Variants in SAMD5 observed in about 807,000 individuals in gnomAD.
The protein encoded by SAMD5 is sterile alpha motif domain containing 5.
In SAMD5, 13 loss-of-function variants were observed where a neutral mutation model predicts 11.3. The observed-to-expected ratio is 1.15, with a 90% CI of 0.75 to 1.83. The LOEUF (loss-of-function observed/expected upper bound fraction) is 1.83. SAMD5 is among the 40% of genes most tolerant of loss of function. The probability of loss-of-function intolerance (pLI) is 0.00; values close to 1 mark genes in which losing one functional copy is unlikely to be tolerated. For synonymous variants in SAMD5, 129 were observed against 111.3 expected (o/e 1.16, Z -1.00); for missense variants, 255 against 239.1 (o/e 1.07, Z -0.44).
In SAMD5 at chr6:147,711,776, C is replaced by T. The variant is rs553972033; in HGVS notation, c.163-25541C>T. Among the ~76,000 whole-genome samples, 92 of 152,282 alleles carry T rather than the reference C, an allele frequency of 6.0e-4. No homozygotes were observed. The highest frequency in any genetic ancestry group is 3.4e-3 in the Middle Eastern group (1 of 294). On this transcript the variant is annotated intron_variant, in intron 1 of 1. Coordinates refer to the SAMD5 transcript ENST00000566741. The surrounding 1 kb of genome is among the most constrained non-coding windows in gnomAD (Gnocchi z 4.1). ...TGTTTGTGTTGTGAGTTCCTTACAT[C>T]ATGGAGTGTCATGTGCGTAAGTACA...
intron 1 of SAMD5, among the ~76,000 whole-genome samples, chr6:147,659,640 G>A (rs1468677829): frequency 1.3e-5 from 2 of 152,122 alleles, no homozygotes; most frequent in Non-Finnish European, 2.9e-5. Context: ...AGTGTATTCC[G>A]TTTAGGAATT....
the SAMD5 span, among the ~76,000 whole-genome samples, chr6:147,877,914 GCT>G: frequency 5.7e-4 from 5 of 8,826 alleles, no homozygotes; most frequent in Non-Finnish European, 9.7e-4. Flanking sequence ...TAGATAGCTA[GCT>G]AGCTAGCTAG....
chr6:147,651,311 A>G (rs547451054), intron 1 of SAMD5, among the ~76,000 whole-genome samples: 1 of 152,322 alleles, frequency 6.6e-6, no homozygotes, highest in South Asian at 2.1e-4. Flanking sequence ...AACAATCCCC[A>G]CACATTGTAG....
chr6:147,574,606 T>C (rs1450438805), downstream of SAMD5, among the ~76,000 whole-genome samples: 3 of 152,148 alleles, frequency 2.0e-5, no homozygotes, highest in Non-Finnish European at 4.4e-5. Context: ...GGGTAAAGAA[T>C]AGATATTTAT....
chr6:147,796,922 C>G, the SAMD5 span, among the ~76,000 whole-genome samples: 1 of 148,580 alleles, frequency 6.7e-6, no homozygotes, highest in Non-Finnish European at 1.5e-5. Flanking sequence ...GATTTTGTAT[C>G]CTGAGACTTT....
intron 1 of SAMD5, among the ~76,000 whole-genome samples, chr6:147,646,737 AT>A (rs1368959565): frequency 2.0e-5 from 3 of 152,124 alleles, no homozygotes; most frequent in African/African-American, 7.2e-5. Flanking sequence ...TAAACTTGAA[AT>A]TTCACTTTGG....
chr6:147,609,723 A>G (rs1005769845), intron 1 of SAMD5, among the ~76,000 whole-genome samples: 1 of 151,486 alleles, frequency 6.6e-6, no homozygotes, highest in Non-Finnish European at 1.5e-5. Flanking sequence ...CGCCTGGCTA[A>G]TTTTTTGAAT....
chr6:147,731,387 T>C (rs985914509), intron 1 of SAMD5, among the ~76,000 whole-genome samples: 19 of 152,142 alleles, frequency 1.2e-4, no homozygotes, highest in Non-Finnish European at 1.9e-4. Context: ...TATATAGAAA[T>C]GCTTCTGTAT....
At chr6:147,644,625 A>G (rs1275330963) in intron 1 of SAMD5, among the ~76,000 whole-genome samples, 1 of 152,204 alleles carries the variant, frequency 6.6e-6, no homozygotes, top group African/African-American at 2.4e-5. Context: ...TGATAAAAAA[A>G]GTTTCTTAAT....
intron 1 of SAMD5, among the ~76,000 whole-genome samples, chr6:147,667,830 T>G (rs891543220): frequency 2.8e-4 from 42 of 152,200 alleles, no homozygotes; most frequent in Non-Finnish European, 5.6e-4. Context: ...AAATAAAAGA[T>G]CATGAAATAA....
intron 1 of SAMD5, among the ~76,000 whole-genome samples, chr6:147,601,364 G>C (rs1049890839): frequency 2.6e-5 from 4 of 151,498 alleles, no homozygotes; most frequent in Non-Finnish European, 5.9e-5. Flanking sequence ...TGGACTATAG[G>C]CAACTATTTC....
At chr6:147,615,179 T>C (rs1205267405) in intron 1 of SAMD5, among the ~76,000 whole-genome samples, 2 of 150,366 alleles carry the variant, frequency 1.3e-5, no homozygotes, top group Non-Finnish European at 2.9e-5. Context: ...GAAGGATGAC[T>C]GTATATAAAT....
At chr6:147,832,791 A>G in the SAMD5 span, among the ~76,000 whole-genome samples, 1 of 152,306 alleles carries the variant, frequency 6.6e-6, no homozygotes, top group East Asian at 1.9e-4. Flanking sequence ...GTACTGCGGT[A>G]CACACTAAGC....
intron 1 of SAMD5, among the ~76,000 whole-genome samples, chr6:147,677,861 TTTGAATAA>T (rs1413323277): frequency 2.0e-4 from 30 of 152,132 alleles, no homozygotes; most frequent in Non-Finnish European, 5.9e-5. Flanking sequence ...CTCAGGCACT[TTTGAATAA>T]TTGAAACACT....
At chr6:147,750,677 C>T in the SAMD5 span, among the ~76,000 whole-genome samples, 1 of 152,220 alleles carries the variant, frequency 6.6e-6, no homozygotes, top group Non-Finnish European at 1.5e-5. Flanking sequence ...GTAATCCCAG[C>T]ACTTTGGGAG....
chr6:147,596,639 C>A (rs932904181), intron 1 of SAMD5, among the ~76,000 whole-genome samples: 1 of 152,150 alleles, frequency 6.6e-6, no homozygotes, highest in Non-Finnish European at 1.5e-5. Flanking sequence ...TGAGCTGTTA[C>A]CAAAAACTCT....
At chr6:147,556,098 T>G (rs939467568) in intron 1 of SAMD5, among the ~76,000 whole-genome samples, 2 of 141,302 alleles carry the variant, frequency 1.4e-5, no homozygotes, top group East Asian at 2.0e-4. Flanking sequence ...GTTATTATTA[T>G]TTTTTTTTTT....
chr6:147,806,278 TCTA>T, the SAMD5 span, among the ~76,000 whole-genome samples: 55 of 150,592 alleles, frequency 3.7e-4, no homozygotes, highest in East Asian at 6.6e-3. Flanking sequence ...CTAAGGGAAA[TCTA>T]CTTCAAAAAC....
Position 147,566,900 on chromosome 6 carries a change from G to C in SAMD5, c.*2444G>C. ...ATCTGGGGACAGTTAGTCTTAGAAG[G>C]AGTAATTTTTTCAGCGTTTTTCCTC... is the stretch of plus-strand genomic sequence containing the variant. On this transcript the variant is annotated 3_prime_UTR_variant, in exon 2 of 2. Coordinates refer to ENST00000367474, the MANE Select transcript of SAMD5 (RefSeq NM_001030060.3). The C allele has an allele frequency of 1.0e-6, 1 of 954,826 alleles. No individual in the cohort carries two copies. Among genetic ancestry groups the C allele is most frequent in the Non-Finnish European group, 1.2e-6 (1 of 802,580 alleles). 59.1% of individuals were successfully genotyped at this position (954,826 alleles called of 1,614,324 possible). A position where few individuals can be genotyped will look rare whatever the true frequency, so the allele number is the denominator to read the frequency against.
Sources: gnomAD v4.1 joint callset for allele counts (sites outside exome capture counted in the v4.1 genomes callset) on GRCh38, gnomAD v4.1.1 for gene constraint, Gnocchi (gnomAD v3.1) non-coding constraint, MANE v1.5 for transcripts, NCBI Gene and HGNC (gene_info 2026-07-23, HGNC 2026-07-21) for gene names.